The following CENPI variants were observed in gnomAD, a reference collection of about 807,000 sequenced individuals.
The protein encoded by CENPI is FSH primary response 1.
CENPI carries 4 observed loss-of-function variants against 60.4 expected under a neutral mutation model. The ratio of observed to expected loss-of-function variants is 0.07; its 90% CI spans 0.03 to 0.15. The LOEUF (loss-of-function observed/expected upper bound fraction) is 0.15. Ranked by LOEUF, CENPI falls within the 10% of genes least tolerant of loss-of-function variation. The pLI, the probability that CENPI is intolerant of heterozygous loss-of-function variation, is 1.00. For missense variants in CENPI, 444 were observed against 534.5 expected, an observed-to-expected ratio of 0.83 and a Z score of 1.67; for synonymous variants, 157 against 189.4, an observed-to-expected ratio of 0.83 and a Z score of 1.40.
At chrX:101,109,356 C>A in intron 4 of CENPI, 117 bp from the exon 5 acceptor site, 1 of 553,104 alleles carries the variant, frequency 1.8e-6, no homozygotes, top group Non-Finnish European at 3.0e-6. Flanking sequence ...GCTGGGATTA[C>A]AGGCATGAGC....
intron 16 of CENPI, among the ~76,000 whole-genome samples, chrX:101,144,351 G>A (rs2089944307): frequency 1.9e-5 from 2 of 107,429 alleles, no homozygotes; most frequent in African/African-American, 6.8e-5. Flanking sequence ...CCAAAGTGCT[G>A]GGATTACAGG....
chrX:101,105,216 C>T (rs375909049), intron 4 of CENPI, among the ~76,000 whole-genome samples: 1 of 111,899 alleles, frequency 8.9e-6, no homozygotes, highest in African/African-American at 3.2e-5. Flanking sequence ...CCACTCCCAT[C>T]TCACCTTAAA....
intron 4 of CENPI, 66 bp downstream of exon 4, chrX:101,102,477 A>G (rs1280465620): frequency 1.8e-6 from 1 of 569,562 alleles, no homozygotes; most frequent in Non-Finnish European, 2.6e-6. Context: ...TTCTTTTAAA[A>G]ATAAATCTTA....
intron 4 of CENPI, among the ~76,000 whole-genome samples, chrX:101,107,756 C>T (rs1239863260): frequency 9.1e-6 from 1 of 109,887 alleles, no homozygotes; most frequent in African/African-American, 3.3e-5. Context: ...GCAACCTCTG[C>T]CTCCCGGGTT....
intron 2 of CENPI, chrX:101,099,675 CAGAG>C (rs1460060592): frequency 2.7e-5 from 3 of 110,894 alleles, no homozygotes; most frequent in African/African-American, 9.8e-5. Flanking sequence ...AAGGTCACCT[CAGAG>C]AGGTTTTCTC....
intron 20 of CENPI, among the ~76,000 whole-genome samples, chrX:101,148,545 T>C (rs1013949479): frequency 8.9e-6 from 1 of 111,996 alleles, no homozygotes; most frequent in Non-Finnish European, 1.9e-5. Context: ...CTAGACAAGA[T>C]AGAATATGTA....
At chrX:101,101,378 A>G in intron 3 of CENPI, 82 bp downstream of exon 3, 1 of 747,159 alleles carries the variant, frequency 1.3e-6, no homozygotes, top group East Asian at 3.4e-5. Flanking sequence ...TTTTTAAAGG[A>G]AAGCATAATT....
intron 4 of CENPI, among the ~76,000 whole-genome samples, chrX:101,104,876 A>C (rs2089465446): frequency 9.1e-6 from 1 of 109,875 alleles, no homozygotes; most frequent in East Asian, 2.8e-4. Flanking sequence ...AAGAAAAATT[A>C]AGACAGCTCT....
At chrX:101,169,134 A>G (rs2090151090), downstream of CENPI, among the ~76,000 whole-genome samples, 1 of 112,322 alleles carries the variant, frequency 8.9e-6, no homozygotes, top group Admixed American at 9.5e-5. Context: ...CTGGACTTGG[A>G]AAAAAGTGAA....
intron 15 of CENPI, among the ~76,000 whole-genome samples, chrX:101,133,511 C>T (rs770234305): frequency 9.3e-6 from 1 of 107,980 alleles, no homozygotes; most frequent in African/African-American, 3.4e-5. Context: ...TGCATATACA[C>T]ATTCAGACAC....
chrX:101,098,323 C>T (rs2089370131), intron 1 of CENPI, 75 bp downstream of exon 1: 1 of 112,191 alleles, frequency 8.9e-6, no homozygotes, highest in Non-Finnish European at 1.9e-5. Context: ...TGGGACTATC[C>T]TGCAAGGTGT....
intron 15 of CENPI, among the ~76,000 whole-genome samples, chrX:101,140,081 C>A (rs1382103599): frequency 8.9e-6 from 1 of 111,907 alleles, no homozygotes; most frequent in Non-Finnish European, 1.9e-5. Context: ...TCTGATCCGC[C>A]CGCCTCGGCC....
At chrX:101,162,467 A>ATATAT (rs1269101204) in intron 21 of CENPI, among the ~76,000 whole-genome samples, 10 of 89,422 alleles carry the variant, frequency 1.1e-4, no homozygotes, top group South Asian at 4.7e-4. Flanking sequence ...AAAAAAAAAA[A>ATATAT]AAAAAAATAT....
chrX:101,155,769 A>G lies in CENPI; in HGVS notation c.2095-5759A>G, dbSNP rs1402975443. ...AAAGGCAACCAAAAACTCTTTTTACAAGTCTTATAGATTCTTGGAAACAAA... is the reference window on the plus strand; with the variant it reads ...AAAGGCAACCAAAAACTCTTTTTACGAGTCTTATAGATTCTTGGAAACAAA... On this transcript the variant is annotated intron_variant, in intron 20 of 21. Coordinates refer to ENST00000682095, the MANE Select transcript of CENPI (RefSeq NM_001386188.2). 2.7e-5 allele frequency among the ~76,000 whole-genome samples: 3 copies of G among 111,792 alleles called. No homozygotes were observed. In the Admixed American group the frequency reaches 2.9e-4, roughly 11 times the overall value.
chrX:101,141,334 C>T (rs1017342657), intron 16 of CENPI: 1 of 111,406 alleles, frequency 9.0e-6, no homozygotes, highest in African/African-American at 3.3e-5. Context: ...TCTTTGCCTT[C>T]TCCTACATAT....
intron 21 of CENPI, 149 bp from the exon 22 acceptor site, chrX:101,162,684 T>TC (rs1370174858): frequency 1.8e-6 from 1 of 559,207 alleles, no homozygotes; most frequent in African/African-American, 2.4e-5. Flanking sequence ...GTTTAAATGT[T>TC]ACTTAGTGAC....
chrX:101,132,732 G>C (rs2089807189), intron 15 of CENPI, among the ~76,000 whole-genome samples: 1 of 111,457 alleles, frequency 9.0e-6, no homozygotes, highest in South Asian at 3.8e-4. Flanking sequence ...CAAACAAACT[G>C]AGAAATACTT....
rs550461128 is a variant in CENPI, at chrX:101,164,060, T to G, written c.*1093T>G. 9.0e-6 allele frequency among the ~76,000 whole-genome samples: 1 copy of G among 110,923 alleles called. No homozygotes were observed. Among genetic ancestry groups the G allele is most frequent in the Admixed American group, 9.7e-5 (1 of 10,362 alleles). On this transcript the variant is annotated 3_prime_UTR_variant, in exon 22 of 22. Coordinates refer to ENST00000682095, the MANE Select transcript of CENPI (RefSeq NM_001386188.2). ...AAATTACCTCAATGCTATTGAATAA[T>G]TCTCCCTTCTAGTAAAATTCGTATC...
In CENPI at chrX:101,113,696, C is replaced by G. The variant is rs185850910; in HGVS notation, c.591+3698C>G. ...CATCATTTGTTTTTGCATCTCACAC[C>G]TTCAAGATGAGATTATTTTCCTTTG... On this transcript the variant is annotated intron_variant, in intron 6 of 21. Coordinates refer to ENST00000682095, the MANE Select transcript of CENPI (RefSeq NM_001386188.2). 3.6e-5 allele frequency among the ~76,000 whole-genome samples: 4 copies of G among 112,297 alleles called. No individual in the cohort carries two copies. In the Admixed American group the frequency reaches 3.8e-4, roughly 11 times the overall value.
Sources: allele counts gnomAD v4.1 joint callset (sites outside exome capture counted in the v4.1 genomes callset), GRCh38; gene constraint gnomAD v4.1.1; transcripts MANE v1.5; gene names NCBI Gene and HGNC (gene_info 2026-07-23, HGNC 2026-07-21).